The following FER1L6 variants were observed in gnomAD, a reference collection of about 807,000 sequenced individuals.
FER1L6 encodes fer-1-like protein 6.
Under a neutral mutation model 219.2 loss-of-function variants are expected in FER1L6, and 177 were observed. The ratio of observed to expected loss-of-function variants is 0.81; its 90% confidence interval spans 0.71 to 0.91. The LOEUF is 0.91. FER1L6 is among the 40% of genes least tolerant of loss of function. The pLI, the probability that FER1L6 is intolerant of heterozygous loss-of-function variation, is 0.00. For synonymous variants in FER1L6, 768 were observed against 824.3 expected (o/e 0.93, Z 1.17); for missense variants, 2,153 against 2,259.9 (o/e 0.95, Z 0.96).
chr8:123,878,734 C>G (rs1056313411), intron 1 of FER1L6, among the ~76,000 whole-genome samples: 7 of 152,140 alleles, frequency 4.6e-5, no homozygotes, highest in Non-Finnish European at 8.8e-5. Context: ...TTGCCTTGTC[C>G]AAATACTATT....
At chr8:123,982,171 A>C (rs1816353393) in intron 11 of FER1L6, among the ~76,000 whole-genome samples, 1 of 152,154 alleles carries the variant, frequency 6.6e-6, no homozygotes, top group Non-Finnish European at 1.5e-5. Flanking sequence ...TGGAGACTTA[A>C]CTTTGAATTT....
At chr8:124,014,903 C>T (rs1288575491) in intron 15 of FER1L6, among the ~76,000 whole-genome samples, 2 of 152,096 alleles carry the variant, frequency 1.3e-5, no homozygotes, top group Non-Finnish European at 2.9e-5. Context: ...AGAGTCTCTC[C>T]CTGGCTGCAG....
At chr8:124,024,326 G>C (rs1818608716) in intron 18 of FER1L6, among the ~76,000 whole-genome samples, 1 of 151,960 alleles carries the variant, frequency 6.6e-6, no homozygotes, top group South Asian at 2.1e-4. Flanking sequence ...TGTATGAATA[G>C]GTAGTTTTTT....
In FER1L6 at chr8:123,991,107, C is replaced by A. The variant is rs145666065; in HGVS notation, c.1519+4931C>A. On this transcript the variant is annotated intron_variant, in intron 12 of 40. Transcript: ENST00000522917. ...TACCAATACCATGCTGTTTTAGTAA[C>A]TATATCCTTGCAGTATAACTTGAAG... is the stretch of plus-strand genomic sequence containing the variant. 2.5e-3 allele frequency among the ~76,000 whole-genome samples: 375 copies of A among 152,310 alleles called. 2 individuals carry two copies. The highest frequency in any genetic ancestry group is 8.4e-3 in the African/African-American group (349 of 41,562).
chr8:124,119,297 A>G (rs868395452), intron 40 of FER1L6, among the ~76,000 whole-genome samples: 6 of 152,154 alleles, frequency 3.9e-5, no homozygotes, highest in African/African-American at 1.4e-4. Context: ...TGAGGCTGTC[A>G]GGAAAGACTT....
chr8:123,959,270 T>G (rs1815163332), intron 2 of FER1L6, among the ~76,000 whole-genome samples: 1 of 152,180 alleles, frequency 6.6e-6, no homozygotes, highest in Non-Finnish European at 1.5e-5. Flanking sequence ...GCATATGTGA[T>G]TTGCTAATTC....
At chr8:124,074,145 A>G (rs1027566868) in intron 31 of FER1L6, among the ~76,000 whole-genome samples, 5 of 152,164 alleles carry the variant, frequency 3.3e-5, no homozygotes, top group African/African-American at 1.2e-4. Context: ...CTTTCCTTAG[A>G]AAGTATTTGC....
At chr8:124,087,851 TG>T (rs1001245644) in intron 33 of FER1L6, among the ~76,000 whole-genome samples, 5 of 152,162 alleles carry the variant, frequency 3.3e-5, no homozygotes, top group Non-Finnish European at 7.3e-5. Flanking sequence ...AGATATTGCC[TG>T]GGTGGTCTTG....
chr8:124,089,331 C>T (rs1821921699), intron 33 of FER1L6, among the ~76,000 whole-genome samples: 1 of 152,236 alleles, frequency 6.6e-6, no homozygotes, highest in Non-Finnish European at 1.5e-5. Flanking sequence ...TTGTGTTCTT[C>T]CTTCCCTAAG....
At chr8:124,011,684 C>A (rs1817936013) in intron 14 of FER1L6, among the ~76,000 whole-genome samples, 1 of 144,414 alleles carries the variant, frequency 6.9e-6, no homozygotes, top group African/African-American at 2.6e-5. Flanking sequence ...CAAGATGTAA[C>A]TATGCTACTC....
chr8:124,109,079 A>G (rs965539451), intron 39 of FER1L6, among the ~76,000 whole-genome samples: 1 of 152,266 alleles, frequency 6.6e-6, no homozygotes, highest in African/African-American at 2.4e-5. Flanking sequence ...AATTCAGGAT[A>G]TGGACACGTG....
chr8:124,086,062 C>CT (rs1286632011), intron 33 of FER1L6, among the ~76,000 whole-genome samples: 1 of 151,916 alleles, frequency 6.6e-6, no homozygotes, highest in Non-Finnish European at 1.5e-5. Flanking sequence ...CATGTTAGAT[C>CT]TTTTTTAATC....
At chr8:123,976,198 G>C (rs1188577558) in intron 9 of FER1L6, 114 bp downstream of exon 9, 4 of 941,346 alleles carry the variant, frequency 4.2e-6, no homozygotes, top group African/African-American at 1.7e-5. Flanking sequence ...GAAAGCAAAA[G>C]CTTGTTACAA....
In FER1L6 at chr8:123,980,799, T is replaced by A; in HGVS notation, c.1398T>A (p.Asp466Glu). ...CCGAGGTGGAGGTGGAATCGTTCGA[T>A]GTCCCCCCGGAGGTAGGTCTAGGCA... ...NSTEVEVESFDVPPEIVPEKN... is the reference protein window; with the variant it reads ...NSTEVEVESFEVPPEIVPEKN... The change falls in exon 11 of 41, where the codon GAT becomes GAA. Residue 466 changes from aspartate to glutamate, a missense_variant. Asp to Glu is a conservative substitution (Grantham distance 45, BLOSUM62 2). Coordinates refer to ENST00000522917, the MANE Select transcript of FER1L6 (RefSeq NM_001039112.2). The A allele has an allele frequency of 1.2e-6, 2 of 1,613,490 alleles. No homozygotes were observed. Among genetic ancestry groups the A allele is most frequent in the Non-Finnish European group, 1.7e-6 (2 of 1,179,718 alleles).
intron 30 of FER1L6, among the ~76,000 whole-genome samples, chr8:124,071,031 C>A (rs1361117661): frequency 6.6e-6 from 1 of 152,192 alleles, no homozygotes; most frequent in Non-Finnish European, 1.5e-5. Flanking sequence ...CCTTTCTATG[C>A]AGCATGCTAT....
Position 123,998,248 on chromosome 8 carries a change from T to G in FER1L6, c.1520-4919T>G, listed in dbSNP as rs969508536. 2.0e-5 allele frequency among the ~76,000 whole-genome samples: 3 copies of G among 152,216 alleles called. No individual in the cohort carries two copies. The East Asian group carries it at 5.8e-4, about 29-fold the overall frequency. ...GAATTAGAGGGAACTTCAAGCCTAG[T>G]AACACTGTGGCTCTTGCAGAGTTGT... On this transcript the variant is annotated intron_variant, in intron 12 of 40. Transcript: ENST00000522917.
intron 1 of FER1L6, among the ~76,000 whole-genome samples, chr8:123,895,472 T>C (rs1436917988): frequency 1.3e-5 from 2 of 152,102 alleles, no homozygotes; most frequent in Non-Finnish European, 2.9e-5. Context: ...AACAACCCCA[T>C]GAGGAAGGAA....
intron 1 of FER1L6, among the ~76,000 whole-genome samples, chr8:123,932,039 A>G (rs750937043): frequency 6.6e-6 from 1 of 152,202 alleles, no homozygotes; most frequent in Non-Finnish European, 1.5e-5. Context: ...GAACCATCTC[A>G]GTCAACAGCT....
intron 12 of FER1L6, among the ~76,000 whole-genome samples, chr8:123,998,375 T>A (rs1284449126): frequency 1.1e-4 from 7 of 61,320 alleles, no homozygotes; most frequent in South Asian, 5.6e-4. Context: ...AGAGGGAAAC[T>A]CTCTCTCTCT....
Sources: gnomAD v4.1 joint callset for allele counts (sites outside exome capture counted in the v4.1 genomes callset) on GRCh38, gnomAD v4.1.1 for gene constraint, MANE v1.5 for transcripts, NCBI Gene and HGNC (gene_info 2026-07-23, HGNC 2026-07-21) for gene names.